The following HECW2 variants were observed in gnomAD, a reference collection of about 807,000 sequenced individuals.
HECW2 encodes E3 ubiquitin-protein ligase HECW2.
Under a neutral mutation model 175.2 loss-of-function variants are expected in HECW2, and 61 were observed. That is an observed-to-expected ratio of 0.35 (90% CI 0.28 to 0.43). HECW2 has a LOEUF of 0.43. Ranked by LOEUF, HECW2 falls within the 20% of genes least tolerant of loss-of-function variation. HECW2 has a pLI of 1.00. For synonymous variants in HECW2, 671 were observed against 731.0 expected (o/e 0.92, Z 1.32); for missense variants, 1,524 against 2,000.5 (o/e 0.76, Z 4.54).
intron 1 of HECW2, among the ~76,000 whole-genome samples, chr2:196,566,910 G>A (rs538271626): frequency 1.3e-4 from 20 of 152,082 alleles, no homozygotes; most frequent in African/African-American, 4.6e-4. Flanking sequence ...CTAAGATTCC[G>A]AGGAATTAAG....
intron 2 of HECW2, among the ~76,000 whole-genome samples, chr2:196,349,588 A>T (rs932710099): frequency 6.6e-6 from 1 of 152,046 alleles, no homozygotes; most frequent in South Asian, 2.1e-4. Context: ...GGGATTACAG[A>T]TGTGAGCCAC....
intron 19 of HECW2, among the ~76,000 whole-genome samples, chr2:196,243,295 G>A (rs1441630633): frequency 6.6e-6 from 1 of 151,370 alleles, no homozygotes; most frequent in Non-Finnish European, 1.5e-5. Flanking sequence ...AGCCTACTGA[G>A]TAGCTGGGAT....
intron 21 of HECW2, chr2:196,239,046 C>A (rs1180564995): frequency 6.6e-6 from 1 of 152,204 alleles, no homozygotes; most frequent in East Asian, 1.9e-4. Context: ...TACTTGGAAT[C>A]TCATGCATAC....
intron 2 of HECW2, among the ~76,000 whole-genome samples, chr2:196,349,098 G>A (rs1048324008): frequency 2.0e-5 from 3 of 152,126 alleles, no homozygotes; most frequent in Non-Finnish European, 2.9e-5. Context: ...GTCACTTTCT[G>A]TCATCTTAAT....
At chr2:196,398,170 CATGT>C (rs1694723662) in intron 2 of HECW2, among the ~76,000 whole-genome samples, 1 of 151,706 alleles carries the variant, frequency 6.6e-6, no homozygotes, top group Non-Finnish European at 1.5e-5. Flanking sequence ...AAAATGCATG[CATGT>C]GAGTAGGGAG....
chr2:196,551,899 C>T (rs1689612332), intron 1 of HECW2, among the ~76,000 whole-genome samples: 1 of 152,162 alleles, frequency 6.6e-6, no homozygotes, highest in Non-Finnish European at 1.5e-5. Context: ...CATCAGCTGA[C>T]CTTCTTCATA....
chr2:196,213,474 C>T (rs1300817570), intron 28 of HECW2, among the ~76,000 whole-genome samples: 1 of 152,172 alleles, frequency 6.6e-6, no homozygotes, highest in African/African-American at 2.4e-5. Flanking sequence ...ACCTGGGTTA[C>T]ATAAGGTGAC....
intron 2 of HECW2, among the ~76,000 whole-genome samples, chr2:196,389,321 G>A (rs771306248): frequency 6.6e-6 from 1 of 152,144 alleles, no homozygotes; most frequent in African/African-American, 2.4e-5. Context: ...TATTTCCTTA[G>A]TGCAGCATTT....
intron 4 of HECW2, among the ~76,000 whole-genome samples, chr2:196,332,780 G>C (rs1479608383): frequency 6.6e-6 from 1 of 152,154 alleles, no homozygotes; most frequent in African/African-American, 2.4e-5. Flanking sequence ...CACTCTTCTA[G>C]TTTTGTAACT....
intron 1 of HECW2, among the ~76,000 whole-genome samples, chr2:196,530,305 A>G (rs7600499): frequency 0.022 from 3,296 of 152,306 alleles, 53 homozygotes; most frequent in Non-Finnish European, 0.033. Flanking sequence ...GATGCATACA[A>G]TGTTATGAAG....
At chr2:196,245,739 G>A (rs1688621346) in intron 19 of HECW2, among the ~76,000 whole-genome samples, 2 of 152,194 alleles carry the variant, frequency 1.3e-5, no homozygotes, top group Admixed American at 6.5e-5. Flanking sequence ...CTGGAGATCT[G>A]TTTGTATAGC....
At chr2:196,347,034 C>A (rs1003728333) in intron 2 of HECW2, among the ~76,000 whole-genome samples, 1 of 150,952 alleles carries the variant, frequency 6.6e-6, no homozygotes, top group Non-Finnish European at 1.5e-5. Context: ...ATTCCATTTC[C>A]GTTTGGTGAC....
intron 2 of HECW2, among the ~76,000 whole-genome samples, chr2:196,360,056 G>T (rs1168122498): frequency 6.6e-6 from 1 of 152,074 alleles, no homozygotes; most frequent in African/African-American, 2.4e-5. Context: ...AGTGAGCTAT[G>T]ATCATGCCAC....
Position 196,283,794 on chromosome 2 carries a change from T to C in HECW2, c.3001-5132A>G, listed in dbSNP as rs372340993. On this transcript the variant is annotated intron_variant, in intron 14 of 28. Coordinates refer to ENST00000644978, the MANE Select transcript of HECW2 (RefSeq NM_001348768.2). ...CACTGCAGAGGAAAGACAGTCTCTCTAAAAGTAAAATCAGAAACCACCATT... is the reference window on the plus strand; with the variant it reads ...CACTGCAGAGGAAAGACAGTCTCTCCAAAAGTAAAATCAGAAACCACCATT... Among the ~76,000 whole-genome samples, 9 of 152,198 alleles carry C rather than the reference T, an allele frequency of 5.9e-5. No homozygotes were observed. In the East Asian group the frequency reaches 1.2e-3, roughly 20 times the overall value.
intron 3 of HECW2, among the ~76,000 whole-genome samples, chr2:196,339,958 TG>T (rs1692686712): frequency 6.6e-6 from 1 of 152,192 alleles, no homozygotes. Context: ...CTGCCTCCTC[TG>T]GGGATTTATC....
At chr2:196,574,616 T>C (rs1055413849) in intron 1 of HECW2, among the ~76,000 whole-genome samples, 8 of 152,192 alleles carry the variant, frequency 5.3e-5, no homozygotes, top group African/African-American at 1.9e-4. Context: ...CAAAATGATC[T>C]ACAGATTCAA....
chr2:196,339,429 T>G (rs559642090), intron 3 of HECW2, among the ~76,000 whole-genome samples: 15 of 152,352 alleles, frequency 9.8e-5, no homozygotes, highest in African/African-American at 3.6e-4. Flanking sequence ...TATACAAATA[T>G]CAGTGTTTTG....
intron 8 of HECW2, 67 bp from the exon 9 acceptor site, chr2:196,319,971 T>G: frequency 6.9e-7 from 1 of 1,447,988 alleles, no homozygotes. Flanking sequence ...TATGACTTAT[T>G]TGCTTTGCCA....
chr2:196,406,992 C>T (rs1694981983), intron 2 of HECW2, among the ~76,000 whole-genome samples: 1 of 152,148 alleles, frequency 6.6e-6, no homozygotes, highest in Admixed American at 6.5e-5. Flanking sequence ...AGAATGTAAG[C>T]TCCACAAGTT....
Sources: gnomAD v4.1 joint callset for allele counts (sites outside exome capture counted in the v4.1 genomes callset) on GRCh38, gnomAD v4.1.1 for gene constraint, MANE v1.5 for transcripts, NCBI Gene and HGNC (gene_info 2026-07-23, HGNC 2026-07-21) for gene names.